KPNA7: variants seen among roughly 807,000 people sequenced by gnomAD.
KPNA7 encodes the protein karyopherin subunit alpha 7.
Under a neutral mutation model 53.7 loss-of-function variants are expected in KPNA7, and 54 were observed. The ratio of observed to expected loss-of-function variants is 1.01; its 90% CI spans 0.81 to 1.26. The LOEUF is 1.26. Among genes scored for constraint, KPNA7 ranks in the 50% most tolerant of loss-of-function variants. The probability of loss-of-function intolerance (pLI) is 0.00; values close to 1 mark genes in which losing one functional copy is unlikely to be tolerated. For synonymous variants in KPNA7, 276 were observed against 259.3 expected (o/e 1.06, Z -0.62); for missense variants, 640 against 644.5 (o/e 0.99, Z 0.07).
intron 10 of KPNA7, among the ~76,000 whole-genome samples, chr7:99,175,490 T>TTTAG (rs1798865756): frequency 1.3e-5 from 1 of 74,370 alleles, no homozygotes; most frequent in Non-Finnish European, 2.5e-5. Context: ...GAGAGCTTTA[T>TTTAG]TTATTTATTT....
chr7:99,216,851 C>T (rs918496000), intron 1 of KPNA7, among the ~76,000 whole-genome samples: 1 of 152,210 alleles, frequency 6.6e-6, no homozygotes, highest in African/African-American at 2.4e-5. Context: ...CATGAGCCAC[C>T]ATGCCCAGCC....
chr7:99,151,771 C>G, the KPNA7 span, among the ~76,000 whole-genome samples: 1 of 151,870 alleles, frequency 6.6e-6, no homozygotes, highest in Non-Finnish European at 1.5e-5. Flanking sequence ...ACATTAAGAA[C>G]CTCCTATGTA....
chr7:99,160,136 T>C, the KPNA7 span, among the ~76,000 whole-genome samples: 2 of 146,878 alleles, frequency 1.4e-5, no homozygotes, highest in Non-Finnish European at 3.0e-5. Context: ...GTCATTCTCC[T>C]GCCTCAGCCT....
chr7:99,164,997 C>T, the KPNA7 span, among the ~76,000 whole-genome samples: 3 of 151,932 alleles, frequency 2.0e-5, no homozygotes, highest in East Asian at 1.9e-4. Context: ...CTAGGGAGGC[C>T]GAGCATGGTG....
the KPNA7 span, among the ~76,000 whole-genome samples, chr7:99,166,995 G>A: frequency 6.6e-6 from 1 of 152,222 alleles, no homozygotes; most frequent in East Asian, 1.9e-4. Context: ...TATATGAAAA[G>A]TGAAGGGGAC....
intron 3 of KPNA7, among the ~76,000 whole-genome samples, chr7:99,201,051 T>C (rs1248701293): frequency 6.6e-6 from 1 of 152,184 alleles, no homozygotes; most frequent in African/African-American, 2.4e-5. Context: ...AGTATTGATA[T>C]ATGCTACAAC....
At chr7:99,149,793 G>A in the KPNA7 span, among the ~76,000 whole-genome samples, 7 of 152,174 alleles carry the variant, frequency 4.6e-5, no homozygotes, top group African/African-American at 1.7e-4. Flanking sequence ...TTTTGTTGTT[G>A]TTGTTGTTTT....
chr7:99,180,583 ATCTCTCCG>A (rs71108420), intron 9 of KPNA7, among the ~76,000 whole-genome samples: 13,786 of 135,724 alleles, frequency 0.1, 1,556 homozygotes, highest in African/African-American at 0.16. Flanking sequence ...GTCTCTGTCC[ATCTCTCCG>A]TCTCTCCGTC....
chr7:99,149,192 C>A, the KPNA7 span, among the ~76,000 whole-genome samples: 4 of 152,100 alleles, frequency 2.6e-5, no homozygotes, highest in Non-Finnish European at 5.9e-5. Context: ...CATGAACCAC[C>A]ATGCCTGGCC....
downstream of KPNA7, among the ~76,000 whole-genome samples, chr7:99,170,835 C>A (rs142461412): frequency 7.2e-5 from 11 of 152,196 alleles, no homozygotes; most frequent in East Asian, 2.1e-3. Context: ...GACTTTGAAC[C>A]CAACACTGAA....
chr7:99,176,049 G>A (rs1378650539), intron 10 of KPNA7, among the ~76,000 whole-genome samples: 2 of 152,060 alleles, frequency 1.3e-5, no homozygotes. Flanking sequence ...TGTAATCCCA[G>A]CACTTTGGGA....
At chr7:99,209,844 C>CA (rs1457674104), upstream of KPNA7, among the ~76,000 whole-genome samples, 3 of 151,692 alleles carry the variant, frequency 2.0e-5, no homozygotes, top group East Asian at 5.8e-4. Context: ...CCCGTCTCTA[C>CA]AAAAAATATA....
At chr7:99,164,522 G>A in the KPNA7 span, among the ~76,000 whole-genome samples, 1 of 152,086 alleles carries the variant, frequency 6.6e-6, no homozygotes, top group East Asian at 1.9e-4. Context: ...AGCATTAGGA[G>A]GTATACCTAA....
At chr7:99,218,753 G>T (rs1791274291) in intron 1 of KPNA7, among the ~76,000 whole-genome samples, 1 of 152,216 alleles carries the variant, frequency 6.6e-6, no homozygotes, top group African/African-American at 2.4e-5. Flanking sequence ...TTCAGAAAGG[G>T]CCCCCAGAGG....
intron 8 of KPNA7, among the ~76,000 whole-genome samples, chr7:99,183,993 A>C (rs970653328): frequency 6.6e-6 from 1 of 151,858 alleles, no homozygotes; most frequent in Admixed American, 6.6e-5. Flanking sequence ...GATTACAGGC[A>C]CCCACCACCA....
intron 9 of KPNA7, among the ~76,000 whole-genome samples, chr7:99,181,061 G>GTCTCTCTCTCTCTCTCTGTGTCTCTC (rs71537228): frequency 2.3e-4 from 1 of 4,322 alleles, no homozygotes; most frequent in Non-Finnish European, 6.5e-4. Flanking sequence ...CTCCGTCTGT[G>GTCTCTCTCTCTCTCTCTGTGTCTCTC]TCTCTCTCTC....
At chr7:99,205,569 G>T in intron 2 of KPNA7, among the ~76,000 whole-genome samples, 1 of 152,078 alleles carries the variant, frequency 6.6e-6, no homozygotes, top group Non-Finnish European at 1.5e-5. Context: ...GAGATGGGGG[G>T]CTGGGAGCAG....
At chr7:99,202,683 A>G (rs1167199938) in intron 3 of KPNA7, among the ~76,000 whole-genome samples, 2 of 151,894 alleles carry the variant, frequency 1.3e-5, no homozygotes, top group Non-Finnish European at 2.9e-5. Context: ...TGTCTCTATA[A>G]AAAAATAAAA....
Position 99,174,817 on chromosome 7 carries a change from T to A in KPNA7, c.1465-1023A>T, listed in dbSNP as rs1377773798. On this transcript the variant is annotated intron_variant, in intron 10 of 10. Transcript: ENST00000327442. ...TTTAAAAGAGGTCTCTTATTTATTA[T>A]TTTTTTTTTTTGAGATGGAGTCTTA... Among the ~76,000 whole-genome samples, 461 of 133,820 alleles carry A rather than the reference T, an allele frequency of 3.4e-3. 2 individuals carry two copies. The highest frequency in any genetic ancestry group is 0.013 in the Admixed American group (181 of 14,234). The allele number at this position is 133,820 out of a possible 152,430, so 87.8% of individuals were successfully genotyped here. A position where few individuals can be genotyped will look rare whatever the true frequency, so the allele number is the denominator to read the frequency against.
Sources: allele counts gnomAD v4.1 joint callset (sites outside exome capture counted in the v4.1 genomes callset), GRCh38; gene constraint gnomAD v4.1.1; transcripts MANE v1.5; gene names NCBI Gene and HGNC (gene_info 2026-07-23, HGNC 2026-07-21).